LARP1: variants seen among roughly 807,000 people sequenced by gnomAD.
LARP1 encodes la-related protein 1.
LARP1 carries 36 observed loss-of-function variants against 122.7 expected under a neutral mutation model. The observed-to-expected ratio is 0.29, with a 90% CI of 0.22 to 0.39. The LOEUF is 0.39. LARP1 is among the 10% of genes least tolerant of loss of function. The probability of loss-of-function intolerance (pLI) is 1.00; values close to 1 mark genes in which losing one functional copy is unlikely to be tolerated. For missense variants in LARP1, 1,040 were observed against 1,403.6 expected, an observed-to-expected ratio of 0.74 and a Z score of 4.14; for synonymous variants, 539 against 528.7, an observed-to-expected ratio of 1.02 and a Z score of -0.27.
At chr5:154,724,948 G>A (rs956223920) in intron 1 of LARP1, among the ~76,000 whole-genome samples, 5 of 152,172 alleles carry the variant, frequency 3.3e-5, no homozygotes, top group Admixed American at 2.0e-4. Context: ...TTACAGGCAT[G>A]AGCCATCTCG....
intron 8 of LARP1, among the ~76,000 whole-genome samples, chr5:154,796,110 TAG>T (rs1437293865): frequency 1.3e-4 from 14 of 108,682 alleles, no homozygotes; most frequent in Admixed American, 7.1e-4. Flanking sequence ...TATTTATATA[TAG>T]TATATATATT....
At chr5:154,774,158 G>A (rs1177226005) in intron 1 of LARP1, among the ~76,000 whole-genome samples, 1 of 151,436 alleles carries the variant, frequency 6.6e-6, no homozygotes, top group Non-Finnish European at 1.5e-5. Context: ...GGCCTCCTCC[G>A]TCCCTTTGGA....
chr5:154,797,709 AAG>A (rs1436611331), intron 8 of LARP1, among the ~76,000 whole-genome samples: 1 of 148,510 alleles, frequency 6.7e-6, no homozygotes, highest in Non-Finnish European at 1.5e-5. Flanking sequence ...ACATTTTTTA[AAG>A]AGAGAGGGTC....
chr5:154,797,646 C>G (rs1011810910), intron 8 of LARP1, among the ~76,000 whole-genome samples: 2 of 150,890 alleles, frequency 1.3e-5, no homozygotes, highest in African/African-American at 4.9e-5. Context: ...AACATAATTA[C>G]TCATTTTGTT....
intron 1 of LARP1, among the ~76,000 whole-genome samples, chr5:154,743,319 T>A (rs937037067): frequency 2.6e-5 from 4 of 151,850 alleles, no homozygotes; most frequent in African/African-American, 7.3e-5. Flanking sequence ...TTTATTTATT[T>A]TTTTTTGAAA....
Position 154,804,322 on chromosome 5 carries a change from G to C in LARP1, c.2546+15G>C. ...GCTTCCATCAGGTACCTGGGGCAGT[G>C]GGGGAAGAGTGATCAGGCTGCCTAT... On this transcript the variant is annotated intron_variant, in intron 14 of 18. Coordinates refer to ENST00000518297, the MANE Select transcript of LARP1 (RefSeq NM_033551.3). The C allele has an allele frequency of 1.9e-6, 3 of 1,590,386 alleles. No homozygotes were observed. The highest frequency in any genetic ancestry group is 1.1e-5 in the South Asian group (1 of 90,628).
At chr5:154,762,259 A>G (rs546562917) in intron 1 of LARP1, among the ~76,000 whole-genome samples, 2 of 152,212 alleles carry the variant, frequency 1.3e-5, no homozygotes, top group Non-Finnish European at 2.9e-5. Flanking sequence ...AAAACAAAAA[A>G]ACCAAAAAAA....
chr5:154,728,319 C>G (rs905927344), intron 1 of LARP1, among the ~76,000 whole-genome samples: 2 of 152,194 alleles, frequency 1.3e-5, no homozygotes, highest in Non-Finnish European at 2.9e-5. Context: ...CGTGTACCCA[C>G]ACTCCTTTGT....
chr5:154,699,247 A>C (rs1043511100), intron 1 of LARP1, among the ~76,000 whole-genome samples: 2 of 152,238 alleles, frequency 1.3e-5, no homozygotes, highest in Non-Finnish European at 2.9e-5. Context: ...GAAGGACACA[A>C]ACACTTCAAT....
upstream of LARP1, among the ~76,000 whole-genome samples, chr5:154,755,238 G>T (rs1205043314): frequency 1.3e-5 from 1 of 74,226 alleles, no homozygotes; most frequent in Non-Finnish European, 2.6e-5. Flanking sequence ...CTGCCCGCCC[G>T]TCGCCCAGGG....
At position 154,756,142 on chromosome 5, in the gene LARP1, A is replaced by C. The variant is rs987157691; in HGVS notation, c.385A>C (p.Lys129Gln). 1.5e-6 allele frequency: 2 copies of C among 1,312,700 alleles called. No individual in the cohort carries two copies. Among genetic ancestry groups the C allele is most frequent in the Non-Finnish European group, 2.0e-6 (2 of 997,620 alleles). The allele number at this position is 1,312,700 out of a possible 1,614,324, so 81.3% of individuals were successfully genotyped here. A position where few individuals can be genotyped will look rare whatever the true frequency, so the allele number is the denominator to read the frequency against. The change falls in exon 1 of 19, where the codon AAG becomes CAG. Residue 129 changes from lysine (K) to glutamine (Q), a missense_variant. Around this residue, in one of 8 missense-constraint regions of LARP1, gnomAD observed 257 missense variants for 273.3 expected, o/e 0.94. Coordinates refer to ENST00000518297, the MANE Select transcript of LARP1 (RefSeq NM_033551.3). ...APPPKVNPWTKNALPPVLTTV... is the reference protein window; with the variant it reads ...APPPKVNPWTQNALPPVLTTV... ...CCCGCCCAAGGTGAACCCGTGGACT[A>C]AGAACGCATTGCCGCCGGTCCTGAC...
intron 1 of LARP1, among the ~76,000 whole-genome samples, chr5:154,774,536 T>G (rs1755706340): frequency 6.6e-6 from 1 of 152,240 alleles, no homozygotes; most frequent in African/African-American, 2.4e-5. Flanking sequence ...GGGTCTAGTC[T>G]TATTACTCAA....
At chr5:154,693,835 G>A (rs1446653606) in intron 1 of LARP1, among the ~76,000 whole-genome samples, 2 of 146,524 alleles carry the variant, frequency 1.4e-5, no homozygotes, top group East Asian at 4.1e-4. Flanking sequence ...CAGCCTGGGC[G>A]ACAGAGCAAG....
At chr5:154,789,873 T>G (rs1757202582) in intron 1 of LARP1, among the ~76,000 whole-genome samples, 1 of 152,210 alleles carries the variant, frequency 6.6e-6, no homozygotes, top group Non-Finnish European at 1.5e-5. Flanking sequence ...TTACTTTGCC[T>G]TCCCAATGAT....
At position 154,805,999 on chromosome 5, in the gene LARP1, G is replaced by A. The variant is rs371874053; in HGVS notation, c.2665G>A (p.Val889Ile). 51 of 1,614,032 alleles carry A rather than the reference G, an allele frequency of 3.2e-5. No individual in the cohort carries two copies. Among genetic ancestry groups the A allele is most frequent in the Non-Finnish European group, 4.0e-5 (47 of 1,180,038 alleles). ...LLKENGFTQH[V>I]YHKYRRRCLN... ...CAAGGAAAATGGCTTCACACAACAC[G>A]TCTACCATAAGTATCGTAGGCGCTG... The change falls in exon 15 of 19, where the codon GTC (valine) becomes ATC (isoleucine). Residue 889 changes from valine (V) to isoleucine (I), a missense_variant. Around this residue, in one of 8 missense-constraint regions of LARP1, gnomAD observed 59 missense variants for 137.2 expected, o/e 0.43. Coordinates refer to ENST00000518297, the MANE Select transcript of LARP1 (RefSeq NM_033551.3).
chr5:154,775,307 C>T (rs946625436), intron 1 of LARP1, among the ~76,000 whole-genome samples: 2 of 152,076 alleles, frequency 1.3e-5, no homozygotes, highest in Admixed American at 6.5e-5. Context: ...ATCTAAAAAA[C>T]GTAAGTGAAT....
Position 154,814,352 on chromosome 5 carries a change from G to T in LARP1, c.*256G>T. 1 of 315,808 alleles carries T rather than the reference G, an allele frequency of 3.2e-6. No individual in the cohort carries two copies. The allele number at this position is 315,808 out of a possible 1,614,324, so 19.6% of individuals were successfully genotyped here. A position where few individuals can be genotyped will look rare whatever the true frequency, so the allele number is the denominator to read the frequency against. On this transcript the variant is annotated 3_prime_UTR_variant, in exon 19 of 19. Transcript: ENST00000518297. ...GCTTCTTCTAAGGGGGGAGGGAAAGGGGGGAGATTTTTATATATATATACA... is the reference window on the plus strand; with the variant it reads ...GCTTCTTCTAAGGGGGGAGGGAAAGTGGGGAGATTTTTATATATATATACA...
rs566151997 is a variant in LARP1 at position 154,803,202 on chromosome 5, C to T, written c.2110-88C>T. ...TATGTCGACGTGGGAGCTGCCCTCTCCAACTTCCTGCCAGTCTTGATTCCT... is the reference window on the plus strand; with the variant it reads ...TATGTCGACGTGGGAGCTGCCCTCTTCAACTTCCTGCCAGTCTTGATTCCT... On this transcript the variant is annotated intron_variant, in intron 11 of 18. Coordinates refer to ENST00000518297, the MANE Select transcript of LARP1 (RefSeq NM_033551.3). This position sits in a 1 kb window ranked among gnomAD's most constrained non-coding sequence, Gnocchi z 4.4. The T allele has an allele frequency of 5.1e-6, 8 of 1,571,466 alleles. No individual in the cohort carries two copies. In the African/African-American group the frequency reaches 6.7e-5, roughly 13 times the overall value.
intron 1 of LARP1, among the ~76,000 whole-genome samples, chr5:154,785,265 G>A (rs1298425211): frequency 6.6e-6 from 1 of 152,230 alleles, no homozygotes; most frequent in Admixed American, 6.5e-5. Flanking sequence ...AGCCAGGTGA[G>A]GTGGGTGGCC....
Sources: gnomAD v4.1 joint callset for allele counts (sites outside exome capture counted in the v4.1 genomes callset) on GRCh38, gnomAD v4.1.1 for gene constraint, gnomAD v4.1.1 regional missense constraint, Gnocchi (gnomAD v3.1) non-coding constraint, MANE v1.5 for transcripts, NCBI Gene and HGNC (gene_info 2026-07-23, HGNC 2026-07-21) for gene names.